The following ALS2 variants were observed in gnomAD, a reference collection of about 807,000 sequenced individuals.
ALS2 encodes the protein alsin Rho guanine nucleotide exchange factor ALS2.
In ALS2, 117 loss-of-function variants were observed where a neutral mutation model predicts 203.4. The observed-to-expected ratio is 0.58, with a 90% confidence interval of 0.50 to 0.67. The LOEUF is 0.67. Among genes scored for constraint, ALS2 ranks in the 30% least tolerant of loss-of-function variants. The pLI is 0.00. For missense variants in ALS2, 1,715 were observed against 1,989.4 expected, an observed-to-expected ratio of 0.86 and a Z score of 2.62; for synonymous variants, 718 against 725.9, an observed-to-expected ratio of 0.99 and a Z score of 0.17.
intron 24 of ALS2, among the ~76,000 whole-genome samples, chr2:201,717,113 T>C (rs1690452713): frequency 6.6e-6 from 1 of 152,068 alleles, no homozygotes; most frequent in Admixed American, 6.6e-5. Flanking sequence ...TTGGGGTGTG[T>C]GTGTGTGTGT....
chr2:201,714,201 G>A (rs550619672), intron 25 of ALS2, among the ~76,000 whole-genome samples: 2 of 152,304 alleles, frequency 1.3e-5, no homozygotes, highest in South Asian at 4.1e-4. Context: ...CTTCGTAAAA[G>A]TTCCATATAC....
At chr2:201,739,600 G>A (rs1334088906) in intron 11 of ALS2, among the ~76,000 whole-genome samples, 1 of 151,998 alleles carries the variant, frequency 6.6e-6, no homozygotes, top group African/African-American at 2.4e-5. Context: ...AAAATTAGCT[G>A]GGCGCGGTGG....
At chr2:201,717,499 C>T (rs1690479362) in intron 24 of ALS2, among the ~76,000 whole-genome samples, 1 of 151,020 alleles carries the variant, frequency 6.6e-6, no homozygotes, top group South Asian at 2.1e-4. Flanking sequence ...AAAAAGAACA[C>T]TCTCTCACAC....
In ALS2 at chr2:201,713,265, T is replaced by C. The variant is rs1045984952; in HGVS notation, c.4005-2157A>G. Among the ~76,000 whole-genome samples the C allele has an allele frequency of 5.3e-5, 8 of 151,912 alleles. No homozygotes were observed. The East Asian group carries it at 1.5e-3, about 29-fold the overall frequency. ...GATTCTCCTGCCTCAGCCTCCTAAG[T>C]AGCTGGGATTCAGGCCCGGGCTAAT... On this transcript the variant is annotated intron_variant, in intron 25 of 33. Coordinates refer to ENST00000264276, the MANE Select transcript of ALS2 (RefSeq NM_020919.4).
At chr2:201,737,171 T>A (rs6754525) in intron 12 of ALS2, among the ~76,000 whole-genome samples, 88,349 of 152,058 alleles carry the variant, frequency 0.58, 28,614 homozygotes, top group Admixed American at 0.74. Flanking sequence ...GATACCATAT[T>A]ACAACTATTT....
At chr2:201,779,241 ATGCCACT>A in intron 1 of ALS2, among the ~76,000 whole-genome samples, 1 of 152,320 alleles carries the variant, frequency 6.6e-6, no homozygotes, top group Non-Finnish European at 1.5e-5. Flanking sequence ...GGCCTGCATA[ATGCCACT>A]CAAGTTTTGT....
chr2:201,725,436 G>A lies in ALS2; in HGVS notation c.3267C>T (p.Ile1089=), dbSNP rs2106003904. The A allele has an allele frequency of 6.2e-7, 1 of 1,613,654 alleles. No homozygotes were observed. The highest frequency in any genetic ancestry group is 8.5e-7 in the Non-Finnish European group (1 of 1,179,828). ...CTTCTTTGTTCATTGCCTTGTTTGG[G>A]ATTCTGTATTCTCCATACCTGCCAT... is the stretch of plus-strand genomic sequence containing the variant. ...GLEDGYGEYR[I]PNKAMNKEDH... The change falls in exon 20 of 34, where the codon ATC becomes ATT. Residue 1089 remains isoleucine, a synonymous_variant. Transcript: ENST00000264276.
chr2:201,710,066 AGTT>A, intron 26 of ALS2, 28 bp from the exon 27 acceptor site: 2 of 1,612,560 alleles, frequency 1.2e-6, no homozygotes, highest in Non-Finnish European at 1.7e-6. Context: ...CAATGAAGTC[AGTT>A]GATGTGCATT....
In ALS2 at chr2:201,700,742, G is replaced by C. The variant is rs1431036520; in HGVS notation, c.*1109C>G. The C allele has an allele frequency of 1.3e-5, 2 of 152,570 alleles. No homozygotes were observed. The highest frequency in any genetic ancestry group is 4.8e-5 in the African/African-American group (2 of 41,426). 9.5% of individuals were successfully genotyped at this position (152,570 alleles called of 1,614,324 possible). A position where few individuals can be genotyped will look rare whatever the true frequency, so the allele number is the denominator to read the frequency against. On this transcript the variant is annotated 3_prime_UTR_variant, in exon 34 of 34. Coordinates refer to ENST00000264276, the MANE Select transcript of ALS2 (RefSeq NM_020919.4). ...ACTCTGTATGCTCACCACGGTGTAG[G>C]AGATGAGATGAGGAAGAGCACCTAT...
intron 7 of ALS2, among the ~76,000 whole-genome samples, chr2:201,751,206 A>G (rs531400072): frequency 1.3e-5 from 2 of 152,208 alleles, no homozygotes; most frequent in African/African-American, 2.4e-5. Flanking sequence ...ACATATATTC[A>G]TGTATCTATT....
chr2:201,778,592 A>C (rs1303988903), intron 1 of ALS2: 2 of 152,202 alleles, frequency 1.3e-5, no homozygotes, highest in Non-Finnish European at 2.9e-5. Context: ...TATTTTATTG[A>C]TGACTACCTA....
chr2:201,755,733 A>C (rs17384887), intron 5 of ALS2, among the ~76,000 whole-genome samples: 2,686 of 152,344 alleles, frequency 0.018, 33 homozygotes, highest in Non-Finnish European at 0.027. Flanking sequence ...CCTATTTCAA[A>C]TTATTTTACA....
At position 201,761,724 on chromosome 2, in the gene ALS2, C is replaced by T. The variant is rs1394779492; in HGVS notation, c.270G>A (p.Gly90=). Residue 90 remains glycine, a synonymous_variant, in exon 4 of 34, where the codon GGG becomes GGA. Transcript: ENST00000264276. ...SSPILENALV[G]QYVITVATGS... Reference sequence around the variant, plus strand: ...CTGTTGCCACAGTAATAACATATTGCCCAACCAGGGCATTTTCTAGAATGG... The same window carrying T: ...CTGTTGCCACAGTAATAACATATTGTCCAACCAGGGCATTTTCTAGAATGG... The T allele has an allele frequency of 6.2e-7, 1 of 1,613,978 alleles. No homozygotes were observed. The highest frequency in any genetic ancestry group is 1.3e-5 in the African/African-American group (1 of 74,876).
rs573982652 is a variant in ALS2 at position 201,746,210 on chromosome 2, A to C, written c.1998+356T>G. Among the ~76,000 whole-genome samples the C allele has an allele frequency of 2.0e-5, 3 of 152,378 alleles. No homozygotes were observed. In the South Asian group the frequency reaches 6.2e-4, roughly 32 times the overall value. On this transcript the variant is annotated intron_variant, in intron 9 of 33. Coordinates refer to ENST00000264276, the MANE Select transcript of ALS2 (RefSeq NM_020919.4). ...TCCTACATGAGGGTGTTAATTCAAC[A>C]AACATTTATAAAGTATGTACTATGC...
intron 1 of ALS2, among the ~76,000 whole-genome samples, chr2:201,774,738 C>T (rs1694579640): frequency 6.6e-6 from 1 of 152,126 alleles, no homozygotes; most frequent in Admixed American, 6.5e-5. Context: ...ACCACTAAAA[C>T]CACATGTATT....
chr2:201,771,860 T>C (rs1396827439), intron 1 of ALS2, among the ~76,000 whole-genome samples: 3 of 152,238 alleles, frequency 2.0e-5, no homozygotes, highest in Non-Finnish European at 1.5e-5. Flanking sequence ...TTTTCTTCTG[T>C]TACAGTAACT....
In ALS2 at chr2:201,718,192, T is replaced by G. The variant is rs774125951; in HGVS notation, c.3721A>C (p.Asn1241His). The G allele has an allele frequency of 1.3e-5, 21 of 1,613,508 alleles. No individual in the cohort carries two copies. In the African/African-American group the frequency reaches 2.5e-4, roughly 19 times the overall value. Residue 1241 changes from asparagine to histidine, a missense_variant, in exon 24 of 34, where the codon AAT becomes CAT. By Grantham distance (68) the Asn-to-His change is moderately conservative. Coordinates refer to ENST00000264276, the MANE Select transcript of ALS2 (RefSeq NM_020919.4). ...AAATAACCTTCAATGTAGTCTCCAT[T>G]TGGCATAGTCAGTGTTCCCTAGGTA... ...LSGKGTLTMP[N>H]GDYIEGYFSG...
Position 201,734,550 on chromosome 2 carries a change from G to A in ALS2, c.2418-1112C>T, listed in dbSNP as rs143207086. On this transcript the variant is annotated intron_variant, in intron 12 of 33. Coordinates refer to ENST00000264276, the MANE Select transcript of ALS2 (RefSeq NM_020919.4). ...CTAATGTTCCTACTTCTTTCTCCAC[G>A]TTCTACTGCAGAGATCAGCTGAGGA... Among the ~76,000 whole-genome samples, 103 of 151,876 alleles carry A rather than the reference G, an allele frequency of 6.8e-4. No individual in the cohort carries two copies. The East Asian group carries it at 9.7e-3, about 14-fold the overall frequency.
intron 3 of ALS2, among the ~76,000 whole-genome samples, chr2:201,766,336 A>G (rs1335557426): frequency 2.0e-5 from 3 of 152,174 alleles, no homozygotes. Context: ...ATATCTTGAA[A>G]ACAGAAATAG....
Sources: allele counts gnomAD v4.1 joint callset (sites outside exome capture counted in the v4.1 genomes callset), GRCh38; gene constraint gnomAD v4.1.1; transcripts MANE v1.5; gene names NCBI Gene and HGNC (gene_info 2026-07-23, HGNC 2026-07-21).